Variants in FGF9 observed in about 807,000 individuals in gnomAD.
FGF9 encodes fibroblast growth factor 9.
A neutral mutation model predicts 19.9 loss-of-function variants in FGF9; 3 were observed. The observed-to-expected ratio is 0.15, with a 90% CI of 0.07 to 0.39. FGF9 has a LOEUF of 0.39. Among genes scored for constraint, FGF9 ranks in the 10% least tolerant of loss-of-function variants. The pLI is 1.00. For missense variants in FGF9, 175 were observed against 256.8 expected, an observed-to-expected ratio of 0.68 and a Z score of 2.18; for synonymous variants, 107 against 106.9, an observed-to-expected ratio of 1.00 and a Z score of -0.01.
chr13:21,698,255 C>T (rs1242254704), intron 2 of FGF9, among the ~76,000 whole-genome samples: 1 of 152,180 alleles, frequency 6.6e-6, no homozygotes, highest in Non-Finnish European at 1.5e-5. Context: ...TGGCACAGAC[C>T]AGGCGCAAAT....
rs1017571954 is a variant in FGF9 at position 21,703,994 on chromosome 13, T to C, written c.*2559T>C. On this transcript the variant is annotated 3_prime_UTR_variant, in exon 3 of 3. Transcript: ENST00000382353. ...TATTGACTCATGCGATTTATGTAAA[T>C]AGTGGAACTGGGAGAGTGGATGGCT... The C allele has an allele frequency of 6.6e-6, 1 of 152,094 alleles. No individual in the cohort carries two copies. Among genetic ancestry groups the C allele is most frequent in the African/African-American group, 2.4e-5 (1 of 41,402 alleles). 9.4% of individuals were successfully genotyped at this position (152,094 alleles called of 1,614,324 possible).
At chr13:21,698,980 TGAG>T (rs1488880506) in intron 2 of FGF9, among the ~76,000 whole-genome samples, 1 of 152,198 alleles carries the variant, frequency 6.6e-6, no homozygotes, top group East Asian at 1.9e-4. Context: ...ATCTTGCCTG[TGAG>T]GAGACTATTA....
chr13:21,692,764 G>A (rs1475049183), intron 2 of FGF9, among the ~76,000 whole-genome samples: 1 of 152,150 alleles, frequency 6.6e-6, no homozygotes, highest in East Asian at 1.9e-4. Flanking sequence ...TTTGAATTCT[G>A]AAATTAAGAC....
chr13:21,694,160 C>T (rs1872354014), intron 2 of FGF9, among the ~76,000 whole-genome samples: 1 of 152,166 alleles, frequency 6.6e-6, no homozygotes, highest in East Asian at 1.9e-4. Context: ...ATCGACTCAC[C>T]CACAGTTACC....
intron 2 of FGF9, among the ~76,000 whole-genome samples, chr13:21,693,302 G>A (rs1192868602): frequency 2.0e-5 from 3 of 152,130 alleles, no homozygotes; most frequent in Non-Finnish European, 4.4e-5. Context: ...TGGGGCCCAA[G>A]GAGTGGGGAG....
chr13:21,672,260 G>A lies in FGF9; in HGVS notation c.277+71G>A. ...AAATTATAACTACCAAGAAGGTGGT[G>A]GCCGGGTGGGGGACGTGGGAAGGGT... On this transcript the variant is annotated intron_variant, in intron 1 of 2. Coordinates refer to ENST00000382353, the MANE Select transcript of FGF9 (RefSeq NM_002010.3). The surrounding 1 kb of genome is among the most constrained non-coding windows in gnomAD (Gnocchi z 4.2). 1 of 1,552,998 alleles carries A rather than the reference G, an allele frequency of 6.4e-7. No individual in the cohort carries two copies. The highest frequency in any genetic ancestry group is 2.2e-5 in the East Asian group (1 of 44,600).
intron 2 of FGF9, among the ~76,000 whole-genome samples, chr13:21,681,498 TA>T (rs1229549602): frequency 1.3e-5 from 2 of 152,208 alleles, no homozygotes; most frequent in Non-Finnish European, 2.9e-5. Flanking sequence ...GCATTGTAAT[TA>T]AAACTAGAAA....
chr13:21,680,605 G>A (rs936613256), intron 1 of FGF9, among the ~76,000 whole-genome samples: 4 of 152,128 alleles, frequency 2.6e-5, no homozygotes, highest in South Asian at 4.1e-4. Context: ...TCTGTTTAGC[G>A]AATGGTCTTA....
At position 21,702,901 on chromosome 13, in the gene FGF9, A is replaced by G. The variant is rs1872579266; in HGVS notation, c.*1466A>G. On this transcript the variant is annotated 3_prime_UTR_variant, in exon 3 of 3. Transcript: ENST00000382353. The stretch of plus-strand genomic sequence containing the variant: ...TGTTTTGTTTTTTAAAATGGTCTCC[A>G]CAAGCGCTCAATTTTTTTAGAGGGG... 6.6e-6 allele frequency: 1 copy of G among 152,250 alleles called. No homozygotes were observed. Among genetic ancestry groups the G allele is most frequent in the South Asian group, 2.1e-4 (1 of 4,838 alleles). The allele number at this position is 152,250 out of a possible 1,614,324, so 9.4% of individuals were successfully genotyped here. A position where few individuals can be genotyped will look rare whatever the true frequency, so the allele number is the denominator to read the frequency against.
chr13:21,672,302 C>G lies in FGF9; in HGVS notation c.277+113C>G, dbSNP rs1871787462. 8.6e-7 allele frequency: 1 copy of G among 1,158,072 alleles called. No homozygotes were observed. The highest frequency in any genetic ancestry group is 1.3e-6 in the Non-Finnish European group (1 of 776,298). The allele number at this position is 1,158,072 out of a possible 1,614,324, so 71.7% of individuals were successfully genotyped here. A position where few individuals can be genotyped will look rare whatever the true frequency, so the allele number is the denominator to read the frequency against. On this transcript the variant is annotated intron_variant, in intron 1 of 2. Transcript: ENST00000382353. The surrounding 1 kb of genome is among the most constrained non-coding windows in gnomAD (Gnocchi z 4.2). ...GGGAAGGGTTCTCCCCTCCTCCCCTCTTTCTCTGTATCTCTGTCTCTCTCT... is the reference window on the plus strand; with the variant it reads ...GGGAAGGGTTCTCCCCTCCTCCCCTGTTTCTCTGTATCTCTGTCTCTCTCT...
intron 1 of FGF9, chr13:21,674,329 C>T (rs1267604337): frequency 2.3e-5 from 2 of 85,274 alleles, no homozygotes; most frequent in African/African-American, 9.0e-5. Context: ...GGCCCCTGGC[C>T]GGAGCCGCAG....
rs1871824590 is a variant in FGF9 at position 21,673,597 on chromosome 13, G to C, written c.277+1408G>C. 4.6e-5 allele frequency among the ~76,000 whole-genome samples: 7 copies of C among 152,348 alleles called. No homozygotes were observed. In the South Asian group the frequency reaches 1.4e-3, roughly 32 times the overall value. ...AAAGGTAGATTCTGGTTGTTGCAAA[G>C]AGAAGACTAAACTTTACTAAAAGTG... On this transcript the variant is annotated intron_variant, in intron 1 of 2. Transcript: ENST00000382353.
Position 21,701,684 on chromosome 13 carries a change from G to C in FGF9, c.*249G>C. On this transcript the variant is annotated 3_prime_UTR_variant, in exon 3 of 3. Transcript: ENST00000382353. ...ATCATGAGAGAAGAGGAGAGAGAGA[G>C]AGACTGAGCGCTAGGAGTGTGTGTA... 1 of 509,682 alleles carries C rather than the reference G, an allele frequency of 2.0e-6. No homozygotes were observed. The highest frequency in any genetic ancestry group is 2.0e-5 in the South Asian group (1 of 49,938). The allele number at this position is 509,682 out of a possible 1,614,324, so 31.6% of individuals were successfully genotyped here. A position where few individuals can be genotyped will look rare whatever the true frequency, so the allele number is the denominator to read the frequency against.
At position 21,681,091 on chromosome 13, in the gene FGF9, C is replaced by T. The variant is rs34748315; in HGVS notation, c.327C>T (p.Gly109=). The T allele has an allele frequency of 4.1e-4, 656 of 1,613,998 alleles. 4 individuals are homozygous for T. In the African/African-American group the frequency reaches 4.7e-3, roughly 12 times the overall value. Residue 109 remains glycine (G), a synonymous_variant, in exon 2 of 3, where the codon GGC becomes GGT. Coordinates refer to ENST00000382353, the MANE Select transcript of FGF9 (RefSeq NM_002010.3). The stretch of plus-strand genomic sequence containing the variant: ...CAGTGGGCCTGGTCAGCATTCGAGG[C>T]GTGGACAGTGGACTCTACCTCGGGA... ...SIAVGLVSIR[G]VDSGLYLGMN...
intron 2 of FGF9, among the ~76,000 whole-genome samples, chr13:21,695,853 G>C (rs1872400167): frequency 6.6e-6 from 1 of 152,192 alleles, no homozygotes; most frequent in African/African-American, 2.4e-5. Flanking sequence ...ATCATAAGCT[G>C]ATGTGTTGTA....
At chr13:21,689,060 G>A (rs17070380) in intron 2 of FGF9, among the ~76,000 whole-genome samples, 3,610 of 152,214 alleles carry the variant, frequency 0.024, 150 homozygotes, top group African/African-American at 0.082. Flanking sequence ...GAATATTGTC[G>A]TGGGTTCCCA....
At chr13:21,688,491 C>T (rs1042241958) in intron 2 of FGF9, among the ~76,000 whole-genome samples, 1 of 152,144 alleles carries the variant, frequency 6.6e-6, no homozygotes, top group Non-Finnish European at 1.5e-5. Flanking sequence ...GTCCATACAT[C>T]GTCCTGGTTT....
At chr13:21,698,725 AAGG>A (rs1486932507) in intron 2 of FGF9, among the ~76,000 whole-genome samples, 1 of 152,200 alleles carries the variant, frequency 6.6e-6, no homozygotes, top group Non-Finnish European at 1.5e-5. Flanking sequence ...ATGGCTCAAA[AAGG>A]AGGAGGAAGT....
At chr13:21,695,167 G>C (rs1872379627) in intron 2 of FGF9, among the ~76,000 whole-genome samples, 1 of 152,012 alleles carries the variant, frequency 6.6e-6, no homozygotes. Context: ...CCCAAATATT[G>C]ACGTAAGCAG....
Sources: gnomAD v4.1 joint callset for allele counts (sites outside exome capture counted in the v4.1 genomes callset) on GRCh38, gnomAD v4.1.1 for gene constraint, Gnocchi (gnomAD v3.1) non-coding constraint, MANE v1.5 for transcripts, NCBI Gene and HGNC (gene_info 2026-07-23, HGNC 2026-07-21) for gene names.